The following ZNF442 variants were observed in gnomAD, a reference collection of about 807,000 sequenced individuals.
The protein encoded by ZNF442 is zinc finger protein 442.
ZNF442 carries 45 observed loss-of-function variants against 57.0 expected under a neutral mutation model. The ratio of observed to expected loss-of-function variants is 0.79; its 90% CI spans 0.62 to 1.01. ZNF442 has a LOEUF of 1.01. Ranked by LOEUF, ZNF442 falls within the 50% of genes least tolerant of loss-of-function variation. The probability of loss-of-function intolerance (pLI) is 0.00; values close to 1 mark genes in which losing one functional copy is unlikely to be tolerated. For missense variants in ZNF442, 690 were observed against 756.5 expected (o/e 0.91, Z 1.03); for synonymous variants, 213 against 241.8 (o/e 0.88, Z 1.10).
Position 12,350,265 on chromosome 19 carries a change from T to C in ZNF442, c.1320A>G (p.Lys440=), listed in dbSNP as rs1969200332. The part of the protein sequence containing the change: ...EKPYECKECG[K]AFRISSSLRR... ...GAAGGGAACTAGAAATACGGAAGGC[T>C]TTACCACATTCTTTACATTCATAGG... is the stretch of plus-strand genomic sequence containing the variant. The change falls in exon 6 of 6, where the codon AAA becomes AAG. Residue 440 remains lysine, a synonymous_variant. Transcript: ENST00000242804. 6.2e-7 allele frequency: 1 copy of C among 1,613,790 alleles called. No homozygotes were observed. The highest frequency in any genetic ancestry group is 8.5e-7 in the Non-Finnish European group (1 of 1,179,994).
intron 3 of ZNF442, among the ~76,000 whole-genome samples, chr19:12,358,689 T>C (rs1427763722): frequency 6.6e-6 from 1 of 152,190 alleles, no homozygotes; most frequent in Non-Finnish European, 1.5e-5. Context: ...AAATACAAAC[T>C]CTAGGTCAGT....
chr19:12,350,746 T>A lies in ZNF442; in HGVS notation c.839A>T (p.Tyr280Phe). The change falls in exon 6 of 6, where the codon TAT becomes TTT. Residue 280 changes from tyrosine to phenylalanine, a missense_variant. Coordinates refer to ENST00000242804, the MANE Select transcript of ZNF442 (RefSeq NM_030824.3). ...CSKAFPDYSS[Y>F]VRHERTHTGE... is the part of the protein sequence containing the mutation. The stretch of plus-strand genomic sequence containing the variant: ...AGTGTGAGTTCTTTCATGTCTTACA[T>A]AGGAACTGTAATCAGGGAAGGCTTT... The A allele has an allele frequency of 1.2e-6, 2 of 1,614,058 alleles. No homozygotes were observed. Among genetic ancestry groups the A allele is most frequent in the Admixed American group, 3.3e-5 (2 of 60,018 alleles).
chr19:12,371,646 A>C, the ZNF442 span, among the ~76,000 whole-genome samples: 2 of 152,218 alleles, frequency 1.3e-5, no homozygotes, highest in Non-Finnish European at 2.9e-5. Flanking sequence ...AAGGCCACAC[A>C]CCTATGACCA....
At chr19:12,357,117 T>C (rs1415317917) in intron 3 of ZNF442, among the ~76,000 whole-genome samples, 1 of 152,172 alleles carries the variant, frequency 6.6e-6, no homozygotes, top group Non-Finnish European at 1.5e-5. Flanking sequence ...TCAAAAACCT[T>C]TTCATCGTAT....
At position 12,362,560 on chromosome 19, in the gene ZNF442, C is replaced by G. The variant is rs1599594130; in HGVS notation, c.78+994G>C. 5.9e-5 allele frequency among the ~76,000 whole-genome samples: 9 copies of G among 151,398 alleles called. 2 individuals are homozygous for G. Among genetic ancestry groups the G allele is most frequent in the African/African-American group, 2.2e-4 (9 of 41,320 alleles). Reference sequence around the variant, plus strand: ...TCCAGGAGGTGGGGGACAGCTCCCGCCCGGCCAGCCACCCCGTCCGGGAGG... The same window carrying G: ...TCCAGGAGGTGGGGGACAGCTCCCGGCCGGCCAGCCACCCCGTCCGGGAGG... On this transcript the variant is annotated intron_variant, in intron 3 of 5. Coordinates refer to ENST00000242804, the MANE Select transcript of ZNF442 (RefSeq NM_030824.3).
the ZNF442 span, among the ~76,000 whole-genome samples, chr19:12,371,486 T>G: frequency 6.6e-6 from 1 of 152,334 alleles, no homozygotes; most frequent in Middle Eastern, 3.4e-3. Flanking sequence ...TGTCAGGGGT[T>G]TATGTTCAGA....
rs1470827413 is a variant in ZNF442 at position 12,346,326 on chromosome 19, C to T, written c.*3375G>A. ...GTTCAAAAAATATATAAACAACCAA[C>T]AAAAACAAAAACCAATGTGCATTAT... On this transcript the variant is annotated 3_prime_UTR_variant, in exon 6 of 6. Coordinates refer to ENST00000242804, the MANE Select transcript of ZNF442 (RefSeq NM_030824.3). The T allele has an allele frequency of 2.0e-5, 3 of 151,668 alleles. No individual in the cohort carries two copies. The highest frequency in any genetic ancestry group is 1.9e-4 in the East Asian group (1 of 5,174). The allele number at this position is 151,668 out of a possible 1,614,324, so 9.4% of individuals were successfully genotyped here.
Position 12,350,538 on chromosome 19 carries a change from A to G in ZNF442, c.1047T>C (p.His349=). 6.2e-7 allele frequency: 1 copy of G among 1,612,716 alleles called. No homozygotes were observed. Among genetic ancestry groups the G allele is most frequent in the Non-Finnish European group, 8.5e-7 (1 of 1,179,652 alleles). Residue 349 remains histidine (H), a synonymous_variant, in exon 6 of 6, where the codon CAT becomes CAC. Coordinates refer to ENST00000242804, the MANE Select transcript of ZNF442 (RefSeq NM_030824.3). ...AGCCTTTCCCACATATCTTACATTT[A>G]TGAGGTCCATCTCCAGTGTGCCTTA... The part of the protein sequence containing the change: ...HMIRHTGDGP[H]KCKICGKGFD...
At chr19:12,371,569 T>G in the ZNF442 span, among the ~76,000 whole-genome samples, 1 of 152,144 alleles carries the variant, frequency 6.6e-6, no homozygotes, top group African/African-American at 2.4e-5. Flanking sequence ...TACAAAAGCT[T>G]CCAGACAAAA....
chr19:12,357,171 T>G (rs1355353157), intron 3 of ZNF442, among the ~76,000 whole-genome samples: 1 of 152,114 alleles, frequency 6.6e-6, no homozygotes. Context: ...TGGAGTCAAT[T>G]AAATATTTTT....
chr19:12,355,926 G>A (rs1024487248), intron 3 of ZNF442, among the ~76,000 whole-genome samples: 3 of 152,018 alleles, frequency 2.0e-5, no homozygotes, highest in Non-Finnish European at 2.9e-5. Context: ...CCTGAACCCA[G>A]GGAAGCAGAG....
Position 12,350,916 on chromosome 19 carries a change from T to G in ZNF442, c.669A>C (p.Leu223Phe). Residue 223 changes from leucine (L) to phenylalanine (F), a missense_variant, in exon 6 of 6, where the codon TTA becomes TTC. Coordinates refer to ENST00000242804, the MANE Select transcript of ZNF442 (RefSeq NM_030824.3). Reference sequence around the variant, plus strand: ...TGTGAGTTCTTTCATGCATACGAAATAAACTAGGCCAAAAAAAGGCTTTCC... The same window carrying G: ...TGTGAGTTCTTTCATGCATACGAAAGAAACTAGGCCAAAAAAAGGCTTTCC... Reference protein sequence around the residue: ...LCGKAFFWPSLFRMHERTHTG... With the variant: ...LCGKAFFWPSFFRMHERTHTG... 1 of 1,614,134 alleles carries G rather than the reference T, an allele frequency of 6.2e-7. No individual in the cohort carries two copies. Among genetic ancestry groups the G allele is most frequent in the South Asian group, 1.1e-5 (1 of 91,082 alleles).
chr19:12,370,086 G>A (rs1969568696), upstream of ZNF442, among the ~76,000 whole-genome samples: 1 of 151,784 alleles, frequency 6.6e-6, no homozygotes, highest in Admixed American at 6.6e-5. Context: ...GGTGATTCAA[G>A]TACATTACAT....
rs1312834341 is a variant in ZNF442, at chr19:12,351,104, C to T, written c.481G>A (p.Ala161Thr). ...TGAAAGGAGTGGTGATAATTGAAGG[C>T]TGTCCCACATTGTTTATGTGTATGT... ...KPHTHKQCGT[A>T]FNYHHSFQTQ... Residue 161 changes from alanine to threonine, a missense_variant, in exon 6 of 6, where the codon GCC (alanine) becomes ACC (threonine). Physicochemically the swap from Ala to Thr is moderately conservative, Grantham distance 58 (BLOSUM62 0). Coordinates refer to ENST00000242804, the MANE Select transcript of ZNF442 (RefSeq NM_030824.3). 1.2e-6 allele frequency: 2 copies of T among 1,614,128 alleles called. No homozygotes were observed. Among genetic ancestry groups the T allele is most frequent in the South Asian group, 2.2e-5 (2 of 91,080 alleles).
chr19:12,366,836 T>C (rs1164067869), upstream of ZNF442, among the ~76,000 whole-genome samples: 3 of 152,218 alleles, frequency 2.0e-5, no homozygotes, highest in African/African-American at 2.4e-5. Context: ...GGTTTCACCA[T>C]GTTGCCCAGG....
In ZNF442 at chr19:12,360,512, TC is replaced by T. The variant is rs530477035; in HGVS notation, c.78+3041del. Among the ~76,000 whole-genome samples the T allele has an allele frequency of 1.8e-4, 28 of 152,342 alleles. No homozygotes were observed. In the East Asian group the frequency reaches 5.0e-3, roughly 27 times the overall value. ...AGGCCTCTCCACCCCACTCACTTCC[TC>T]CCATGCCTTACATGGAAAGTTACTT... is the stretch of plus-strand genomic sequence containing the variant. On this transcript the variant is annotated intron_variant, in intron 3 of 5. Transcript: ENST00000242804.
chr19:12,362,449 G>A lies in ZNF442; in HGVS notation c.78+1105C>T, dbSNP rs1355586635. Among the ~76,000 whole-genome samples, 8 of 151,572 alleles carry A rather than the reference G, an allele frequency of 5.3e-5. No individual in the cohort carries two copies. The East Asian group carries it at 7.8e-4, about 15-fold the overall frequency. On this transcript the variant is annotated intron_variant, in intron 3 of 5. Coordinates refer to ENST00000242804, the MANE Select transcript of ZNF442 (RefSeq NM_030824.3). ...AGGTAAGGAGCGTCTCTGCCCGGCC[G>A]CCCCGTCTGTGAAGTGAGGAGCCCC...
chr19:12,350,981 C>A lies in ZNF442; in HGVS notation c.604G>T (p.Val202Leu), dbSNP rs372193991. ...SSGNLRRHII[V>L]QRGGGPYICK... ...ATATAAGGTCCACCTCCACGTTGTA[C>A]TATTATGTGTCTTCGAAGGTTTCCC... Residue 202 changes from valine (V) to leucine (L), a missense_variant, in exon 6 of 6, where the codon GTA becomes TTA. By Grantham distance (32) the Val-to-Leu change is conservative (BLOSUM62 1). Coordinates refer to ENST00000242804, the MANE Select transcript of ZNF442 (RefSeq NM_030824.3). 8.9e-5 allele frequency: 144 copies of A among 1,614,174 alleles called. No homozygotes were observed. In the Admixed American group the frequency reaches 1.4e-3, roughly 16 times the overall value.
chr19:12,357,187 T>C (rs879508430), intron 3 of ZNF442, among the ~76,000 whole-genome samples: 2 of 152,174 alleles, frequency 1.3e-5, no homozygotes, highest in Admixed American at 1.3e-4. Flanking sequence ...TTTTTCATTA[T>C]TCCAATTTGT....
Sources: allele counts gnomAD v4.1 joint callset (sites outside exome capture counted in the v4.1 genomes callset), GRCh38; gene constraint gnomAD v4.1.1; transcripts MANE v1.5; gene names NCBI Gene and HGNC (gene_info 2026-07-23, HGNC 2026-07-21).